Variants in MGAT4C observed in about 807,000 individuals in gnomAD.
MGAT4C encodes MGAT4 family member C.
A neutral mutation model predicts 40.1 loss-of-function variants in MGAT4C; 19 were observed. The observed-to-expected ratio is 0.47, with a 90% CI of 0.33 to 0.70. The LOEUF is 0.70. Ranked by LOEUF, MGAT4C falls within the 30% of genes least tolerant of loss-of-function variation. MGAT4C has a pLI of 0.02. For missense variants in MGAT4C, 491 were observed against 563.2 expected (o/e 0.87, Z 1.30); for synonymous variants, 181 against 187.1 (o/e 0.97, Z 0.27).
In MGAT4C at chr12:85,968,837, A is replaced by G. The variant is rs1276103804; in HGVS notation, c.*10452T>C. 1 of 151,548 alleles carries G rather than the reference A, an allele frequency of 6.6e-6. No individual in the cohort carries two copies. The highest frequency in any genetic ancestry group is 1.5e-5 in the Non-Finnish European group (1 of 67,658). 9.4% of individuals were successfully genotyped at this position (151,548 alleles called of 1,614,324 possible). The stretch of plus-strand genomic sequence containing the variant: ...GAACAGCCAGACTTAAAAACTAGTA[A>G]TTTAGACAAGTGTGAGCAGAGGTTA... On this transcript the variant is annotated 3_prime_UTR_variant, in exon 5 of 5. Transcript: ENST00000611864.
chr12:86,377,060 CT>C lies in MGAT4C; in HGVS notation c.-119-42934del, dbSNP rs57102882. On this transcript the variant is annotated intron_variant, in intron 3 of 7. Transcript: ENST00000548651. ...ATTATTTCCTGTGGTTAGGCATTTG[CT>C]TTTTTTTTTTTTTTTTGACATGGAG... Among the ~76,000 whole-genome samples the C allele has an allele frequency of 2.7e-3, 356 of 130,618 alleles. 1 individual carries two copies. The highest frequency in any genetic ancestry group is 5.5e-3 in the African/African-American group (197 of 35,546). 85.7% of individuals were successfully genotyped at this position (130,618 alleles called of 152,430 possible). A position where few individuals can be genotyped will look rare whatever the true frequency, so the allele number is the denominator to read the frequency against.
chr12:86,646,081 T>C (rs1963535350), intron 2 of MGAT4C, among the ~76,000 whole-genome samples: 1 of 151,848 alleles, frequency 6.6e-6, no homozygotes, highest in Non-Finnish European at 1.5e-5. Flanking sequence ...GAGTGCAGCA[T>C]ATTTCTAAGA....
chr12:86,375,445 GTAAT>G (rs1565714947), intron 3 of MGAT4C, among the ~76,000 whole-genome samples: 1 of 151,992 alleles, frequency 6.6e-6, no homozygotes, highest in African/African-American at 2.4e-5. Flanking sequence ...TAGGTTTATT[GTAAT>G]TGGTCTTAAT....
intron 2 of MGAT4C, among the ~76,000 whole-genome samples, chr12:86,514,780 A>G (rs1379357310): frequency 6.6e-6 from 1 of 152,156 alleles, no homozygotes; most frequent in African/African-American, 2.4e-5. Flanking sequence ...TTGGTTCCAG[A>G]GATTAGAATG....
intron 2 of MGAT4C, among the ~76,000 whole-genome samples, chr12:86,508,456 CATT>C (rs1443006872): frequency 6.6e-6 from 1 of 152,082 alleles, no homozygotes; most frequent in Non-Finnish European, 1.5e-5. Context: ...TCCAGTCTAT[CATT>C]GTTGGACATT....
chr12:86,604,180 G>A (rs1961958197), intron 2 of MGAT4C, among the ~76,000 whole-genome samples: 1 of 152,094 alleles, frequency 6.6e-6, no homozygotes, highest in South Asian at 2.1e-4. Flanking sequence ...CTCCACCTGG[G>A]AGAATGGAAA....
intron 1 of MGAT4C, among the ~76,000 whole-genome samples, chr12:86,119,557 G>A (rs970128879): frequency 2.6e-5 from 4 of 151,576 alleles, no homozygotes; most frequent in African/African-American, 4.9e-5. Context: ...ACAGGCGTCC[G>A]CCACGATGCC....
chr12:86,299,273 G>C (rs10858409), intron 4 of MGAT4C, among the ~76,000 whole-genome samples: 116,293 of 152,068 alleles, frequency 0.76, 45,187 homozygotes, highest in Non-Finnish European at 0.83. Flanking sequence ...CATGCCACCA[G>C]GCCCAGCTAT....
At chr12:86,026,924 A>G (rs1207303587) in intron 2 of MGAT4C, among the ~76,000 whole-genome samples, 1 of 151,966 alleles carries the variant, frequency 6.6e-6, no homozygotes, top group African/African-American at 2.4e-5. Context: ...TGTGTATCGT[A>G]CCATTTACTA....
chr12:86,365,561 A>G (rs1955573598), intron 3 of MGAT4C, among the ~76,000 whole-genome samples: 1 of 152,238 alleles, frequency 6.6e-6, no homozygotes, highest in Non-Finnish European at 1.5e-5. Flanking sequence ...AGAAATTATA[A>G]AAGTATTAAT....
chr12:86,489,523 T>A (rs566734725), intron 2 of MGAT4C, among the ~76,000 whole-genome samples: 119 of 152,316 alleles, frequency 7.8e-4, no homozygotes, highest in African/African-American at 2.6e-3. Flanking sequence ...GATAACACAC[T>A]GCTATCTGTG....
rs1255898623 is a variant in MGAT4C at position 85,973,294 on chromosome 12, T to C, written c.*5995A>G. On this transcript the variant is annotated 3_prime_UTR_variant, in exon 5 of 5. Transcript: ENST00000611864. Reference sequence around the variant, plus strand: ...CAATTATGAACACTCTCAGCCTCTATTGCTTTATATATGCATTTATTTTGG... The same window carrying C: ...CAATTATGAACACTCTCAGCCTCTACTGCTTTATATATGCATTTATTTTGG... 1.3e-5 allele frequency: 2 copies of C among 150,936 alleles called. No homozygotes were observed. Among genetic ancestry groups the C allele is most frequent in the Non-Finnish European group, 3.0e-5 (2 of 67,088 alleles). The allele number at this position is 150,936 out of a possible 1,614,324, so 9.3% of individuals were successfully genotyped here. A position where few individuals can be genotyped will look rare whatever the true frequency, so the allele number is the denominator to read the frequency against.
intron 1 of MGAT4C, among the ~76,000 whole-genome samples, chr12:86,133,021 C>T (rs1881461276): frequency 6.6e-6 from 1 of 152,086 alleles, no homozygotes; most frequent in African/African-American, 2.4e-5. Flanking sequence ...TATTACTCTC[C>T]TTGGGAGAAA....
intron 1 of MGAT4C, among the ~76,000 whole-genome samples, chr12:86,759,727 GT>G (rs536520166): frequency 6.6e-6 from 1 of 151,942 alleles, no homozygotes; most frequent in Non-Finnish European, 1.5e-5. Context: ...TAAGAAACAG[GT>G]TTTTTTGTAT....
intron 2 of MGAT4C, among the ~76,000 whole-genome samples, chr12:85,996,016 C>T (rs1222247350): frequency 3.3e-5 from 5 of 152,158 alleles, no homozygotes; most frequent in Non-Finnish European, 7.3e-5. Context: ...CATACTAGTA[C>T]AAAGTACAGC....
At chr12:86,329,008 C>T (rs1301130871) in intron 4 of MGAT4C, among the ~76,000 whole-genome samples, 2 of 151,680 alleles carry the variant, frequency 1.3e-5, no homozygotes, top group Non-Finnish European at 1.5e-5. Flanking sequence ...GAAGCTAAGG[C>T]AGGAGAATGA....
At chr12:86,029,940 T>A (rs906068144) in intron 2 of MGAT4C, among the ~76,000 whole-genome samples, 2 of 151,828 alleles carry the variant, frequency 1.3e-5, no homozygotes, top group African/African-American at 4.8e-5. Context: ...ATAATAAACA[T>A]TAAGTTTCTT....
chr12:86,065,610 A>T (rs928920341), intron 1 of MGAT4C, among the ~76,000 whole-genome samples: 5 of 152,212 alleles, frequency 3.3e-5, no homozygotes, highest in Non-Finnish European at 1.5e-5. Context: ...ATTATACTGA[A>T]TGGGCAAAAA....
At chr12:86,519,170 A>T (rs1208008248) in intron 2 of MGAT4C, among the ~76,000 whole-genome samples, 1 of 152,160 alleles carries the variant, frequency 6.6e-6, no homozygotes, top group Non-Finnish European at 1.5e-5. Flanking sequence ...TGTTTACTGA[A>T]AATGTGTTTA....
Sources: gnomAD v4.1 joint callset for allele counts (sites outside exome capture counted in the v4.1 genomes callset) on GRCh38, gnomAD v4.1.1 for gene constraint, MANE v1.5 for transcripts, NCBI Gene and HGNC (gene_info 2026-07-23, HGNC 2026-07-21) for gene names.